The following C9orf85 variants were observed in gnomAD, a reference collection of about 807,000 sequenced individuals.
C9orf85 encodes the protein chromosome 9 open reading frame 85.
C9orf85 carries 16 observed loss-of-function variants against 14.9 expected under a neutral mutation model. The ratio of observed to expected loss-of-function variants is 1.08; its 90% CI spans 0.73 to 1.63. The LOEUF is 1.63. Among genes scored for constraint, C9orf85 ranks in the 40% most tolerant of loss-of-function variants. The pLI is 0.00. For synonymous variants in C9orf85, 45 were observed against 56.8 expected (o/e 0.79, Z 0.93); for missense variants, 172 against 186.1 (o/e 0.92, Z 0.44).
At chr9:71,961,862 C>T (rs1224118979) in intron 2 of C9orf85, among the ~76,000 whole-genome samples, 1 of 152,094 alleles carries the variant, frequency 6.6e-6, no homozygotes, top group African/African-American at 2.4e-5. Context: ...ATAAACTACA[C>T]TTGGTCAGAG....
chr9:71,931,517 T>C (rs1828069460), intron 1 of C9orf85, among the ~76,000 whole-genome samples: 1 of 152,182 alleles, frequency 6.6e-6, no homozygotes, highest in Admixed American at 6.5e-5. Flanking sequence ...AGATTTAGTT[T>C]CCAAAAGAAA....
intron 1 of C9orf85, among the ~76,000 whole-genome samples, chr9:71,914,523 T>A (rs1430857029): frequency 6.6e-6 from 1 of 152,124 alleles, no homozygotes; most frequent in Non-Finnish European, 1.5e-5. Context: ...GTTTTTCTTT[T>A]CCTCCTCTGC....
chr9:71,943,707 A>G (rs1158441164), intron 1 of C9orf85, among the ~76,000 whole-genome samples: 2 of 151,486 alleles, frequency 1.3e-5, no homozygotes, highest in African/African-American at 2.4e-5. Context: ...CACCCCGGCT[A>G]ATTTTGTACT....
intron 1 of C9orf85, among the ~76,000 whole-genome samples, chr9:71,912,886 C>T (rs1245407884): frequency 7.2e-5 from 11 of 151,944 alleles, no homozygotes; most frequent in Non-Finnish European, 1.0e-4. Context: ...TCTCAAAAAA[C>T]AAAAACAAAA....
chr9:71,911,709 G>A lies in C9orf85; in HGVS notation c.-26G>A, dbSNP rs767988857. On this transcript the variant is annotated 5_prime_UTR_variant, in exon 1 of 4. Transcript: ENST00000334731. Reference sequence around the variant, plus strand: ...TCCCCTCATCCTTTTGCCTGCTCCCGGCGAGGGGTGGCTTTGATTTCGGCG... The same window carrying A: ...TCCCCTCATCCTTTTGCCTGCTCCCAGCGAGGGGTGGCTTTGATTTCGGCG... 3.7e-6 allele frequency: 6 copies of A among 1,606,792 alleles called. No individual in the cohort carries two copies. The South Asian group carries it at 6.6e-5, about 18-fold the overall frequency.
chr9:71,968,804 T>C (rs1168515267), intron 2 of C9orf85, among the ~76,000 whole-genome samples: 1 of 152,164 alleles, frequency 6.6e-6, no homozygotes, highest in Non-Finnish European at 1.5e-5. Context: ...CTGACGCAGG[T>C]AGCCTCTACT....
chr9:71,918,970 G>A (rs1417190894), intron 1 of C9orf85, among the ~76,000 whole-genome samples: 6 of 87,700 alleles, frequency 6.8e-5, no homozygotes, highest in Middle Eastern at 9.8e-3. Context: ...CACAAACCCC[G>A]TTTCTGGTGC....
chr9:71,972,079 C>T (rs1822889117), intron 3 of C9orf85, among the ~76,000 whole-genome samples: 1 of 150,940 alleles, frequency 6.6e-6, no homozygotes, highest in African/African-American at 2.4e-5. Context: ...TCTATCATTA[C>T]AATAAAAGTG....
At chr9:71,975,654 GAA>G (rs1287486458), downstream of C9orf85, among the ~76,000 whole-genome samples, 3 of 152,008 alleles carry the variant, frequency 2.0e-5, no homozygotes, top group African/African-American at 7.2e-5. Flanking sequence ...CCAACACAGA[GAA>G]ACCCCATCTC....
intron 1 of C9orf85, among the ~76,000 whole-genome samples, chr9:71,944,652 G>A (rs1218418866): frequency 6.6e-6 from 1 of 152,088 alleles, no homozygotes; most frequent in African/African-American, 2.4e-5. Flanking sequence ...CAGGCAGAAG[G>A]ATTCCTAGAA....
At chr9:71,958,293 G>A (rs975541726) in intron 2 of C9orf85, among the ~76,000 whole-genome samples, 113 of 139,872 alleles carry the variant, frequency 8.1e-4, no homozygotes, top group Admixed American at 3.2e-3. Flanking sequence ...ACGGAGTTTC[G>A]CTCTTGTTGC....
intron 1 of C9orf85, among the ~76,000 whole-genome samples, chr9:71,935,477 A>G (rs1828166918): frequency 6.6e-6 from 1 of 152,090 alleles, no homozygotes. Flanking sequence ...AACCTTAAGG[A>G]CATTATGCTA....
At chr9:71,943,293 A>T (rs1187294324) in intron 1 of C9orf85, among the ~76,000 whole-genome samples, 3 of 152,026 alleles carry the variant, frequency 2.0e-5, no homozygotes, top group Non-Finnish European at 2.9e-5. Context: ...AGGAGTAAAC[A>T]GGCCTTTGTT....
At chr9:71,960,831 G>A (rs548774556) in intron 2 of C9orf85, among the ~76,000 whole-genome samples, 23 of 152,048 alleles carry the variant, frequency 1.5e-4, no homozygotes, top group South Asian at 1.5e-3. Context: ...CACCACACCC[G>A]GCCATATTCT....
At chr9:71,942,145 T>C (rs151305038) in intron 1 of C9orf85, among the ~76,000 whole-genome samples, 20 of 152,342 alleles carry the variant, frequency 1.3e-4, no homozygotes, top group African/African-American at 4.8e-4. Flanking sequence ...TGTACCTACA[T>C]TGTACACCTA....
At chr9:71,918,718 A>T (rs901683450) in intron 1 of C9orf85, among the ~76,000 whole-genome samples, 1 of 152,182 alleles carries the variant, frequency 6.6e-6, no homozygotes, top group South Asian at 2.1e-4. Context: ...TGTGCTCCTT[A>T]TGAGAATCTA....
intron 2 of C9orf85, among the ~76,000 whole-genome samples, chr9:71,955,198 G>A (rs1319647797): frequency 6.6e-6 from 1 of 152,104 alleles, no homozygotes. Context: ...TATTGTATGT[G>A]TCTATCAATT....
rs141394699 is a variant in C9orf85 at position 71,933,320 on chromosome 9, C to A, written c.103-13686C>A. On this transcript the variant is annotated intron_variant, in intron 1 of 3. Coordinates refer to ENST00000334731, the MANE Select transcript of C9orf85 (RefSeq NM_182505.5). ...GACCCACATTGAGATACATTATAAT[C>A]AAACTGTTGAAAACCAAAGACAAAG... 4.4e-4 allele frequency among the ~76,000 whole-genome samples: 67 copies of A among 152,270 alleles called. 1 individual carries two copies. In the East Asian group the frequency reaches 0.012, roughly 28 times the overall value.
At chr9:71,955,454 A>C (rs1166894718) in intron 2 of C9orf85, among the ~76,000 whole-genome samples, 1 of 151,766 alleles carries the variant, frequency 6.6e-6, no homozygotes. Flanking sequence ...AAGGGAAGTG[A>C]CCTTTTTCTG....
Sources: gnomAD v4.1 joint callset for allele counts (sites outside exome capture counted in the v4.1 genomes callset) on GRCh38, gnomAD v4.1.1 for gene constraint, MANE v1.5 for transcripts, NCBI Gene and HGNC (gene_info 2026-07-23, HGNC 2026-07-21) for gene names.